TOP2B: variants seen among roughly 807,000 people sequenced by gnomAD.
TOP2B encodes DNA topoisomerase 2-beta.
In TOP2B, 51 loss-of-function variants were observed where a neutral mutation model predicts 193.5. That is an observed-to-expected ratio of 0.26 (90% CI 0.21 to 0.33). TOP2B has a LOEUF of 0.33. TOP2B is among the 10% of genes least tolerant of loss of function. The pLI, the probability that TOP2B is intolerant of heterozygous loss-of-function variation, is 1.00. For synonymous variants in TOP2B, 634 were observed against 635.7 expected, an observed-to-expected ratio of 1.00 and a Z score of 0.04; for missense variants, 1,378 against 1,909.3, an observed-to-expected ratio of 0.72 and a Z score of 5.19.
At chr3:25,635,044 T>G (rs1017504307) in intron 7 of TOP2B, among the ~76,000 whole-genome samples, 19 of 152,184 alleles carry the variant, frequency 1.2e-4, no homozygotes, top group Admixed American at 5.2e-4. Flanking sequence ...GCTACCAAGC[T>G]TCCATTAACA....
chr3:25,614,878 A>G (rs1381006214), intron 27 of TOP2B, among the ~76,000 whole-genome samples: 1 of 152,046 alleles, frequency 6.6e-6, no homozygotes, highest in Non-Finnish European at 1.5e-5. Flanking sequence ...CAAAGTACTT[A>G]CATTCAATTA....
chr3:25,644,440 C>A (rs1703354113), intron 2 of TOP2B, among the ~76,000 whole-genome samples: 1 of 151,962 alleles, frequency 6.6e-6, no homozygotes, highest in African/African-American at 2.4e-5. Context: ...GTGGCTCACG[C>A]CTGTAATCCT....
chr3:25,616,418 A>G (rs1258004625), intron 25 of TOP2B, among the ~76,000 whole-genome samples: 1 of 151,486 alleles, frequency 6.6e-6, no homozygotes, highest in Non-Finnish European at 1.5e-5. Flanking sequence ...AAGAGGAAAA[A>G]AAAAAAAAAA....
intron 7 of TOP2B, among the ~76,000 whole-genome samples, 171 bp downstream of exon 7, chr3:25,635,765 G>A (rs1207400490): frequency 6.6e-6 from 1 of 151,766 alleles, no homozygotes; most frequent in African/African-American, 2.4e-5. Flanking sequence ...GAACAAGACA[G>A]AAGCATTATT....
Position 25,601,211 on chromosome 3 carries a change from C to T in TOP2B, c.4504G>A (p.Asp1502Asn), listed in dbSNP as rs1462307050. The change falls in exon 34 of 36, where the codon GAT (aspartate) becomes AAT (asparagine). Residue 1502 changes from aspartate (D) to asparagine (N), a missense_variant. Coordinates refer to ENST00000264331, the MANE Select transcript of TOP2B (RefSeq NM_001330700.2). ...VAAKKGKPSS[D>N]TVPKPKRAPK... is the part of the protein sequence containing the mutation. ...GCTCTCTTGGGCTTAGGGACTGTAT[C>T]TGAAGACGGTTTTCCTAGTAAGCAA... The T allele has an allele frequency of 6.2e-7, 1 of 1,612,930 alleles. No homozygotes were observed. Among genetic ancestry groups the T allele is most frequent in the African/African-American group, 1.3e-5 (1 of 74,858 alleles).
chr3:25,632,360 G>C (rs903175829), intron 10 of TOP2B, 86 bp downstream of exon 10: 4 of 1,198,068 alleles, frequency 3.3e-6, no homozygotes, highest in Non-Finnish European at 3.5e-6. Context: ...TACGATGAAA[G>C]AAACTAATCA....
In TOP2B at chr3:25,627,281, G is replaced by A; in HGVS notation, c.1922C>T (p.Thr641Ile). ...AAAATATTCCTTTGCTTCTTTAGCTGTACTAGTACCCAATCCTGCACAATT... is the reference window on the plus strand; with the variant it reads ...AAAATATTCCTTTGCTTCTTTAGCTATACTAGTACCCAATCCTGCACAATT... ...IKYYKGLGTS[T>I]AKEAKEYFAD... Residue 641 changes from threonine to isoleucine, a missense_variant, in exon 16 of 36, where the codon ACA (threonine) becomes ATA (isoleucine). By Grantham distance (89) the Thr-to-Ile change is moderately conservative (BLOSUM62 -1). Around this residue, in one of 9 missense-constraint regions of TOP2B, gnomAD observed 379 missense variants for 615.1 expected, o/e 0.62. Transcript: ENST00000264331. 1.3e-6 allele frequency: 2 copies of A among 1,599,816 alleles called. No homozygotes were observed. The highest frequency in any genetic ancestry group is 8.5e-7 in the Non-Finnish European group (1 of 1,173,794).
intron 4 of TOP2B, among the ~76,000 whole-genome samples, chr3:25,641,491 G>C (rs984882852): frequency 2.6e-5 from 4 of 150,946 alleles, no homozygotes; most frequent in Admixed American, 2.6e-4. Flanking sequence ...AACTTCTCAA[G>C]AATGCATTCA....
intron 1 of TOP2B, among the ~76,000 whole-genome samples, chr3:25,657,390 T>C (rs966975414): frequency 1.8e-4 from 28 of 152,114 alleles, no homozygotes; most frequent in Admixed American, 3.9e-4. Context: ...AGAAACCTAT[T>C]CTGCACCTTC....
intron 1 of TOP2B, among the ~76,000 whole-genome samples, chr3:25,661,759 G>C (rs1211954175): frequency 6.6e-6 from 1 of 152,116 alleles, no homozygotes; most frequent in Non-Finnish European, 1.5e-5. Flanking sequence ...TGGCTTTGTA[G>C]TTTCAGATAT....
chr3:25,607,155 A>G lies in TOP2B; in HGVS notation c.4298+16T>C. Reference sequence around the variant, plus strand: ...CAACAATTAACTATACCACATCACTAAATAGCATTACTTACTCTGGAGTGG... The same window carrying G: ...CAACAATTAACTATACCACATCACTGAATAGCATTACTTACTCTGGAGTGG... On this transcript the variant is annotated intron_variant, in intron 31 of 35. Coordinates refer to ENST00000264331, the MANE Select transcript of TOP2B (RefSeq NM_001330700.2). The G allele has an allele frequency of 1.9e-6, 3 of 1,612,168 alleles. No individual in the cohort carries two copies. The highest frequency in any genetic ancestry group is 2.5e-6 in the Non-Finnish European group (3 of 1,179,116).
intron 2 of TOP2B, among the ~76,000 whole-genome samples, chr3:25,644,720 T>G (rs1174909501): frequency 3.0e-5 from 4 of 134,386 alleles, no homozygotes; most frequent in Admixed American, 7.6e-5. Context: ...CAGGGGGTGA[T>G]GGGAGATGGC....
At position 25,638,314 on chromosome 3, in the gene TOP2B, TAAAAAAAAAAAA is replaced by T. The variant is rs56986587; in HGVS notation, c.396-16_396-5del. The T allele has an allele frequency of 1.1e-3, 148 of 131,808 alleles. 2 individuals carry two copies. The highest frequency in any genetic ancestry group is 4.2e-3 in the East Asian group (17 of 4,070). 8.2% of individuals were successfully genotyped at this position (131,808 alleles called of 1,614,324 possible). On this transcript the variant is annotated splice_region_variant and splice_polypyrimidine_tract_variant and intron_variant, in intron 4 of 35. Coordinates refer to ENST00000264331, the MANE Select transcript of TOP2B (RefSeq NM_001330700.2). ...AATGCTTATAATGTTAGATTCACTGTAAAAAAAAAAAAAAAAAAAAAAAAAAAAAAAAAAAAA... is the reference window on the plus strand; with the variant it reads ...AATGCTTATAATGTTAGATTCACTGTAAAAAAAAAAAAAAAAAAAAAAAAA...
In TOP2B at chr3:25,598,502, A is replaced by AAAGTT. The variant is rs1018126158; in HGVS notation, c.4711-30_4711-26dup. On this transcript the variant is annotated intron_variant, in intron 35 of 35. Coordinates refer to ENST00000264331, the MANE Select transcript of TOP2B (RefSeq NM_001330700.2). ...TCTAGATTTTTTTTCAATAGATTTA[A>AAAGTT]AAGTTATGAAAGGAAGTAAAGACTA... is the stretch of plus-strand genomic sequence containing the variant. The AAAGTT allele has an allele frequency of 1.8e-5, 28 of 1,531,060 alleles. 1 individual carries two copies. The highest frequency in any genetic ancestry group is 1.7e-4 in the Middle Eastern group (1 of 5,790). 94.8% of individuals were successfully genotyped at this position (1,531,060 alleles called of 1,614,324 possible).
chr3:25,637,602 G>T lies in TOP2B; in HGVS notation c.542-290C>A, dbSNP rs1219840671. On this transcript the variant is annotated intron_variant, in intron 5 of 35. Coordinates refer to ENST00000264331, the MANE Select transcript of TOP2B (RefSeq NM_001330700.2). ...ATCTTTCACGACCCAGCAAATCTCT[G>T]TGAGTATGAAATCTGAACTTTCTCT... is the stretch of plus-strand genomic sequence containing the variant. Among the ~76,000 whole-genome samples the T allele has an allele frequency of 2.6e-5, 4 of 151,970 alleles. No homozygotes were observed. The East Asian group carries it at 7.7e-4, about 29-fold the overall frequency.
rs777708678 is a variant in TOP2B, at chr3:25,615,285, G to A, written c.3511C>T (p.Arg1171Ter). 1.2e-6 allele frequency: 2 copies of A among 1,607,460 alleles called. No homozygotes were observed. Among genetic ancestry groups the A allele is most frequent in the East Asian group, 2.2e-5 (1 of 44,640 alleles). The change falls in exon 27 of 36, where the codon CGA becomes TGA. Residue 1171 changes from arginine to a stop codon, truncating the protein, a stop_gained. Coordinates refer to ENST00000264331, the MANE Select transcript of TOP2B (RefSeq NM_001330700.2). LOFTEE classifies it high-confidence loss of function. ...TTTCTTTTAAGATCATTGACCTCTC[G>A]CCCCTATAATAAAAAAGTACAGTTT... The part of the protein sequence containing the change: ...ELIKQRDAKG[R>*]EVNDLKRKSP...
chr3:25,600,737 C>G (rs1438240758), intron 34 of TOP2B, among the ~76,000 whole-genome samples: 1 of 152,202 alleles, frequency 6.6e-6, no homozygotes, highest in Admixed American at 6.5e-5. Context: ...AAGTTCTAGC[C>G]TAAGAGTCCT....
chr3:25,605,519 ATGTG>A (rs1302123330), intron 32 of TOP2B, among the ~76,000 whole-genome samples: 4 of 152,100 alleles, frequency 2.6e-5, no homozygotes, highest in East Asian at 1.9e-4. Context: ...AAATGTATAG[ATGTG>A]TGTATTAAAA....
rs200542692 is a variant in TOP2B, at chr3:25,649,609, GA to G, written c.70-4140del. 6.4e-3 allele frequency among the ~76,000 whole-genome samples: 844 copies of G among 132,742 alleles called. 8 individuals carry two copies. Among genetic ancestry groups the G allele is most frequent in the Admixed American group, 0.015 (207 of 13,440 alleles). The allele number at this position is 132,742 out of a possible 152,430, so 87.1% of individuals were successfully genotyped here. A position where few individuals can be genotyped will look rare whatever the true frequency, so the allele number is the denominator to read the frequency against. ...GAAGAATATATCTGAAGTACTGAAAGAAAAAAAAAAAAAACACTGCCAACCA... is the reference window on the plus strand; with the variant it reads ...GAAGAATATATCTGAAGTACTGAAAGAAAAAAAAAAAAACACTGCCAACCA... On this transcript the variant is annotated intron_variant, in intron 1 of 35. Coordinates refer to ENST00000264331, the MANE Select transcript of TOP2B (RefSeq NM_001330700.2).
Sources: allele counts gnomAD v4.1 joint callset (sites outside exome capture counted in the v4.1 genomes callset), GRCh38; gene constraint gnomAD v4.1.1; regional missense constraint gnomAD v4.1.1; transcripts MANE v1.5; gene names NCBI Gene and HGNC (gene_info 2026-07-23, HGNC 2026-07-21).